The following RPGRIP1 variants were observed in gnomAD, a reference collection of about 807,000 sequenced individuals.
RPGRIP1 encodes X-linked retinitis pigmentosa GTPase regulator-interacting protein 1.
RPGRIP1 carries 128 observed loss-of-function variants against 157.9 expected under a neutral mutation model. The observed-to-expected ratio is 0.81, with a 90% CI of 0.70 to 0.94. The LOEUF is 0.94. Among genes scored for constraint, RPGRIP1 ranks in the 40% least tolerant of loss-of-function variants. RPGRIP1 has a pLI of 0.00. For synonymous variants in RPGRIP1, 554 were observed against 571.6 expected, an observed-to-expected ratio of 0.97 and a Z score of 0.44; for missense variants, 1,486 against 1,545.8, an observed-to-expected ratio of 0.96 and a Z score of 0.65.
intron 19 of RPGRIP1, among the ~76,000 whole-genome samples, chr14:21,329,096 A>T (rs1048657679): frequency 1.4e-5 from 2 of 147,732 alleles, no homozygotes; most frequent in East Asian, 2.0e-4. Context: ...GTGAGCTAAG[A>T]TCGCGCCATT....
At chr14:21,338,004 C>T (rs1199874496) in intron 21 of RPGRIP1, among the ~76,000 whole-genome samples, 1 of 152,040 alleles carries the variant, frequency 6.6e-6, no homozygotes, top group Non-Finnish European at 1.5e-5. Flanking sequence ...GCAACCTCCG[C>T]CCCCCAGGTT....
intron 3 of RPGRIP1, among the ~76,000 whole-genome samples, chr14:21,299,048 T>G (rs1880916633): frequency 6.8e-6 from 1 of 147,856 alleles, no homozygotes. Context: ...GGAGTTTCGC[T>G]CTTGTTGCCC....
intron 20 of RPGRIP1, among the ~76,000 whole-genome samples, chr14:21,331,174 G>T (rs1452156383): frequency 6.6e-6 from 1 of 151,766 alleles, no homozygotes; most frequent in African/African-American, 2.4e-5. Context: ...CTCCCAAAGT[G>T]CTGGGATTAC....
intron 1 of RPGRIP1, among the ~76,000 whole-genome samples, chr14:21,286,189 C>T (rs1296323310): frequency 6.6e-6 from 1 of 152,020 alleles, no homozygotes; most frequent in Non-Finnish European, 1.5e-5. Flanking sequence ...CAGGGTTTCA[C>T]CATGTTGGCC....
In RPGRIP1 at chr14:21,319,918, T is replaced by C. The variant is rs1250318322; in HGVS notation, c.1307-99T>C. 4 of 1,145,438 alleles carry C rather than the reference T, an allele frequency of 3.5e-6. No individual in the cohort carries two copies. In the African/African-American group the frequency reaches 6.3e-5, roughly 18 times the overall value. 71.0% of individuals were successfully genotyped at this position (1,145,438 alleles called of 1,614,324 possible). ...TTGCTTCTCAAATTTATAACATTAA[T>C]TAAACCTTAGTGGGAAGATTAAATT... On this transcript the variant is annotated intron_variant, in intron 11 of 24. Transcript: ENST00000400017.
At chr14:21,325,757 C>A in intron 16 of RPGRIP1, 74 bp from the exon 17 acceptor site, 1 of 1,120,992 alleles carries the variant, frequency 8.9e-7, no homozygotes, top group Non-Finnish European at 1.3e-6. Flanking sequence ...CTCTTCCTCA[C>A]CACAGATCCT....
At position 21,324,781 on chromosome 14, in the gene RPGRIP1, A is replaced by G. The variant is rs1566341602; in HGVS notation, c.1926A>G (p.Leu642=). ...IHQAFLTSAA[L]AQAGDTQPTT... is the part of the protein sequence containing the mutation. ...AGGCCTTCCTGACATCTGCCGCCCT[A>G]GCTCAGGCTGGAGATACCCAACCTA... is the stretch of plus-strand genomic sequence containing the variant. The change falls in exon 15 of 25, where the codon CTA becomes CTG. Residue 642 remains leucine, a synonymous_variant. Transcript: ENST00000400017. The G allele has an allele frequency of 6.2e-7, 1 of 1,613,950 alleles. No homozygotes were observed.
intron 2 of RPGRIP1, among the ~76,000 whole-genome samples, chr14:21,288,834 A>G (rs756412919): frequency 3.3e-5 from 5 of 152,144 alleles, no homozygotes; most frequent in Non-Finnish European, 4.4e-5. Context: ...TTCTTACAGT[A>G]AAAGTATTAC....
intron 1 of RPGRIP1, among the ~76,000 whole-genome samples, chr14:21,282,530 C>T (rs185451401): frequency 5.6e-3 from 855 of 151,924 alleles, no homozygotes; most frequent in Middle Eastern, 0.017. Flanking sequence ...GCCACCACGC[C>T]GGGTGGAAGT....
chr14:21,333,122 C>A (rs1189966879), intron 20 of RPGRIP1, among the ~76,000 whole-genome samples: 2 of 152,026 alleles, frequency 1.3e-5, no homozygotes, highest in East Asian at 3.8e-4. Context: ...AAAACAAAAA[C>A]CTCAAAAGCA....
At chr14:21,307,577 G>A (rs542908046) in intron 6 of RPGRIP1, among the ~76,000 whole-genome samples, 154 bp from the exon 7 acceptor site, 1 of 152,324 alleles carries the variant, frequency 6.6e-6, no homozygotes, top group East Asian at 1.9e-4. Flanking sequence ...TTATTTACTA[G>A]ACTGTACATA....
At chr14:21,341,942 C>T (rs112619000) in intron 21 of RPGRIP1, among the ~76,000 whole-genome samples, 2,327 of 151,284 alleles carry the variant, frequency 0.015, 53 homozygotes, top group African/African-American at 0.051. Flanking sequence ...CCCAGCTACT[C>T]GGGAGGCTGA....
At chr14:21,347,238 C>G (rs184991132) in intron 23 of RPGRIP1, among the ~76,000 whole-genome samples, 5 of 152,332 alleles carry the variant, frequency 3.3e-5, no homozygotes, top group Admixed American at 3.3e-4. Flanking sequence ...TTATTCCAGA[C>G]TCTTTGACTT....
chr14:21,341,434 G>A (rs1884987060), intron 21 of RPGRIP1, among the ~76,000 whole-genome samples: 1 of 152,180 alleles, frequency 6.6e-6, no homozygotes, highest in South Asian at 2.1e-4. Flanking sequence ...AGCTCCACTT[G>A]CTTTCTAAGA....
In RPGRIP1 at chr14:21,319,681, G is replaced by T. The variant is rs78021435; in HGVS notation, c.1307-336G>T. Among the ~76,000 whole-genome samples the T allele has an allele frequency of 8.7e-3, 1,326 of 152,276 alleles. 14 individuals are homozygous for T. The highest frequency in any genetic ancestry group is 0.011 in the Non-Finnish European group (737 of 68,026). On this transcript the variant is annotated intron_variant, in intron 11 of 24. Transcript: ENST00000400017. ...ACCTAGAAGTCAGAATGGAGTGGGG[G>T]TGGAGTTGGTGAGATACTGGTTTCG...
chr14:21,328,509 A>T lies in RPGRIP1; in HGVS notation c.2981A>T (p.Glu994Val), dbSNP rs1484164805. ...CCTCCTCATGGGGGAGAAAGAAAGG[A>T]GAAGGAGCACCAGGTTGTGAGCTAC... ...RKPPHGGERK[E>V]KEHQVVSYSR... The change falls in exon 19 of 25, where the codon GAG becomes GTG. Residue 994 changes from glutamate (E) to valine (V), a missense_variant. Transcript: ENST00000400017. 2 of 1,613,688 alleles carry T rather than the reference A, an allele frequency of 1.2e-6. No individual in the cohort carries two copies. The highest frequency in any genetic ancestry group is 1.7e-6 in the Non-Finnish European group (2 of 1,179,726).
chr14:21,298,200 G>A (rs961651826), intron 3 of RPGRIP1, among the ~76,000 whole-genome samples: 2 of 151,950 alleles, frequency 1.3e-5, no homozygotes, highest in Non-Finnish European at 2.9e-5. Flanking sequence ...GTTCTGTGAG[G>A]TGTCCAAAAG....
At chr14:21,294,856 T>TG in intron 3 of RPGRIP1, 47 bp downstream of exon 3, 2 of 685,140 alleles carry the variant, frequency 2.9e-6, no homozygotes, top group East Asian at 7.7e-5. Flanking sequence ...TTTTTTTTTT[T>TG]TTTTTTGAGA....
intron 6 of RPGRIP1, among the ~76,000 whole-genome samples, 190 bp downstream of exon 6, chr14:21,303,733 TC>T (rs1197035934): frequency 2.0e-5 from 3 of 152,284 alleles, no homozygotes; most frequent in Middle Eastern, 3.4e-3. Flanking sequence ...ACGCCTGTAA[TC>T]CCAGCACTTT....
Sources: gnomAD v4.1 joint callset for allele counts (sites outside exome capture counted in the v4.1 genomes callset) on GRCh38, gnomAD v4.1.1 for gene constraint, MANE v1.5 for transcripts, NCBI Gene and HGNC (gene_info 2026-07-23, HGNC 2026-07-21) for gene names.